BTRC: variants seen among roughly 807,000 people sequenced by gnomAD.
The protein encoded by BTRC is beta-transducin repeat containing E3 ubiquitin protein ligase.
Under a neutral mutation model 85.5 loss-of-function variants are expected in BTRC, and 42 were observed. The observed-to-expected ratio is 0.49, with a 90% CI of 0.38 to 0.64. The LOEUF (loss-of-function observed/expected upper bound fraction) is 0.64. Ranked by LOEUF, BTRC falls within the 30% of genes least tolerant of loss-of-function variation. BTRC has a pLI of 0.00. For synonymous variants in BTRC, 255 were observed against 263.3 expected (o/e 0.97, Z 0.30); for missense variants, 594 against 743.5 (o/e 0.80, Z 2.34).
intron 3 of BTRC, among the ~76,000 whole-genome samples, chr10:101,474,177 A>G (rs1258546851): frequency 6.6e-6 from 1 of 152,016 alleles, no homozygotes; most frequent in Non-Finnish European, 1.5e-5. Context: ...GTAATTTTTG[A>G]TCATATAACC....
At chr10:101,419,598 C>A (rs980945716) in intron 1 of BTRC, among the ~76,000 whole-genome samples, 3 of 152,080 alleles carry the variant, frequency 2.0e-5, no homozygotes, top group African/African-American at 7.2e-5. Context: ...CTTGTTTCAT[C>A]AAAGCGTGCA....
chr10:101,457,941 A>ATTATATCTGC (rs1402149880), intron 2 of BTRC, among the ~76,000 whole-genome samples: 1 of 152,188 alleles, frequency 6.6e-6, no homozygotes, highest in African/African-American at 2.4e-5. Context: ...CCATATTTGT[A>ATTATATCTGC]TTATATCTGC....
intron 2 of BTRC, among the ~76,000 whole-genome samples, chr10:101,439,302 C>T (rs575031026): frequency 3.0e-4 from 45 of 152,168 alleles, no homozygotes; most frequent in African/African-American, 1.0e-3. Flanking sequence ...ACAAGGTACA[C>T]GAGCAAAGCA....
At chr10:101,505,157 GTA>G (rs36139179) in intron 4 of BTRC, among the ~76,000 whole-genome samples, 75 of 118,864 alleles carry the variant, frequency 6.3e-4, no homozygotes, top group South Asian at 3.4e-3. Context: ...ATATGTATAT[GTA>G]TATATATATA....
chr10:101,381,684 A>G (rs1043877712), intron 1 of BTRC, among the ~76,000 whole-genome samples: 2 of 152,188 alleles, frequency 1.3e-5, no homozygotes, highest in African/African-American at 4.8e-5. Flanking sequence ...AAATTATGAG[A>G]AACACACGAT....
intron 3 of BTRC, among the ~76,000 whole-genome samples, chr10:101,478,863 C>T (rs1315904684): frequency 6.0e-5 from 9 of 150,226 alleles, no homozygotes; most frequent in African/African-American, 2.0e-4. Context: ...CGCTTGAACC[C>T]CGGAGGCGGA....
chr10:101,467,788 G>A (rs749700306), intron 3 of BTRC, among the ~76,000 whole-genome samples: 2 of 152,006 alleles, frequency 1.3e-5, no homozygotes, highest in Non-Finnish European at 2.9e-5. Flanking sequence ...TTAGTCATCT[G>A]TTTTAATTAC....
At chr10:101,403,061 A>G (rs745476004) in intron 1 of BTRC, among the ~76,000 whole-genome samples, 29 of 152,224 alleles carry the variant, frequency 1.9e-4, no homozygotes, top group Non-Finnish European at 8.8e-5. Flanking sequence ...TAGCTTTTGT[A>G]AAGTCAATCC....
intron 4 of BTRC, among the ~76,000 whole-genome samples, chr10:101,489,462 G>A (rs550157437): frequency 2.2e-4 from 33 of 151,990 alleles, no homozygotes; most frequent in East Asian, 1.4e-3. Context: ...CTCCTCTCTC[G>A]TTTGACAGTT....
chr10:101,377,825 GTT>G (rs1312026898), intron 1 of BTRC, among the ~76,000 whole-genome samples: 1 of 151,830 alleles, frequency 6.6e-6, no homozygotes, highest in African/African-American at 2.4e-5. Flanking sequence ...TATCTACAAA[GTT>G]TTAAGTAAGC....
intron 13 of BTRC, among the ~76,000 whole-genome samples, chr10:101,548,045 A>C (rs976332772): frequency 1.3e-5 from 2 of 152,358 alleles, no homozygotes; most frequent in Non-Finnish European, 1.5e-5. Context: ...TTATAGTAAA[A>C]TACTACTACA....
At chr10:101,479,585 G>T in intron 4 of BTRC, 128 bp downstream of exon 4, 1 of 619,892 alleles carries the variant, frequency 1.6e-6, no homozygotes, top group South Asian at 2.9e-5. Context: ...ATACAAACAG[G>T]CATCATTTTA....
intron 1 of BTRC, among the ~76,000 whole-genome samples, chr10:101,408,698 T>C (rs1490294612): frequency 6.6e-6 from 1 of 152,206 alleles, no homozygotes; most frequent in Non-Finnish European, 1.5e-5. Context: ...ATTGGCTTAC[T>C]AGGTACCTTT....
intron 9 of BTRC, 34 bp from the exon 10 acceptor site, chr10:101,534,627 T>G: frequency 6.2e-7 from 1 of 1,611,998 alleles, no homozygotes; most frequent in Non-Finnish European, 8.5e-7. Flanking sequence ...GATTGTAGCT[T>G]GAGTACCATC....
intron 1 of BTRC, among the ~76,000 whole-genome samples, chr10:101,389,460 T>C (rs1364389656): frequency 6.6e-6 from 1 of 152,104 alleles, no homozygotes; most frequent in African/African-American, 2.4e-5. Flanking sequence ...AATGTTCTAA[T>C]ATCTTCCTTT....
chr10:101,458,008 A>T (rs916245629), intron 2 of BTRC, among the ~76,000 whole-genome samples: 1 of 152,142 alleles, frequency 6.6e-6, no homozygotes, highest in Admixed American at 6.6e-5. Context: ...TTTTCTGAAC[A>T]ATTTGAAAGT....
At chr10:101,487,000 A>G (rs1946006669) in intron 4 of BTRC, among the ~76,000 whole-genome samples, 1 of 152,236 alleles carries the variant, frequency 6.6e-6, no homozygotes, top group Non-Finnish European at 1.5e-5. Flanking sequence ...ATCTTATTGA[A>G]ACATTACATT....
chr10:101,534,028 A>G (rs947393252), intron 9 of BTRC, among the ~76,000 whole-genome samples: 1 of 152,242 alleles, frequency 6.6e-6, no homozygotes, highest in Admixed American at 6.5e-5. Flanking sequence ...TAAAACCTTA[A>G]GTAAATACAC....
intron 1 of BTRC, among the ~76,000 whole-genome samples, chr10:101,366,878 T>G (rs12218008): frequency 6.3e-5 from 1 of 15,908 alleles, no homozygotes; most frequent in African/African-American, 2.1e-4. Context: ...TAATATATAT[T>G]TATATATATT....
Sources: allele counts gnomAD v4.1 joint callset (sites outside exome capture counted in the v4.1 genomes callset), GRCh38; gene constraint gnomAD v4.1.1; transcripts MANE v1.5; gene names NCBI Gene and HGNC (gene_info 2026-07-23, HGNC 2026-07-21).